NDUFAF7: variants seen among roughly 807,000 people sequenced by gnomAD.
NDUFAF7 encodes the protein protein arginine methyltransferase NDUFAF7, mitochondrial.
Under a neutral mutation model 47.2 loss-of-function variants are expected in NDUFAF7, and 48 were observed. The ratio of observed to expected loss-of-function variants is 1.02; its 90% CI spans 0.81 to 1.29. NDUFAF7 has a LOEUF of 1.29. Among genes scored for constraint, NDUFAF7 ranks in the 50% most tolerant of loss-of-function variants. The pLI is 0.00. For synonymous variants in NDUFAF7, 217 were observed against 190.0 expected (o/e 1.14, Z -1.17); for missense variants, 635 against 537.6 (o/e 1.18, Z -1.79).
At chr2:37,236,863 G>T (rs1052804044) in intron 3 of NDUFAF7, among the ~76,000 whole-genome samples, 3 of 151,514 alleles carry the variant, frequency 2.0e-5, no homozygotes. Flanking sequence ...GAGAGTGCCC[G>T]GGAAGGAAGA....
At chr2:37,258,685 A>G in the NDUFAF7 span, among the ~76,000 whole-genome samples, 1 of 152,242 alleles carries the variant, frequency 6.6e-6, no homozygotes, top group African/African-American at 2.4e-5. Flanking sequence ...CGACCTCAAA[A>G]TGATAGGGAA....
Position 37,248,146 on chromosome 2 carries a change from TAAATC to T in NDUFAF7, c.1127_1131del (p.Ser376Ter). ...TTTTTTCTTTTCAGGTTCTTTTAGA[TAAATC>T]AAATGAGCCATCAGTGAGGCAGCAG... On this transcript the variant is annotated frameshift_variant, in exon 10 of 10. Transcript: ENST00000002125. LOFTEE classifies it high-confidence loss of function. The T allele has an allele frequency of 6.2e-7, 1 of 1,613,512 alleles. No individual in the cohort carries two copies. The highest frequency in any genetic ancestry group is 8.5e-7 in the Non-Finnish European group (1 of 1,179,538).
intron 2 of NDUFAF7, 146 bp from the exon 3 acceptor site, chr2:37,235,950 A>T: frequency 1.4e-6 from 1 of 695,508 alleles, no homozygotes; most frequent in Non-Finnish European, 2.5e-6. Flanking sequence ...GAGCCACCAC[A>T]CCTGGCTCCC....
downstream of NDUFAF7, among the ~76,000 whole-genome samples, chr2:37,255,857 T>C (rs1667888906): frequency 6.6e-6 from 1 of 151,842 alleles, no homozygotes; most frequent in Non-Finnish European, 1.5e-5. Flanking sequence ...AATTTAAAAA[T>C]TAGCCAGGTG....
At chr2:37,250,034 T>C (rs1252359374), downstream of NDUFAF7, among the ~76,000 whole-genome samples, 12 of 151,976 alleles carry the variant, frequency 7.9e-5, no homozygotes. Flanking sequence ...AGATTTTTTT[T>C]TGCAATTTTT....
chr2:37,262,653 G>C, the NDUFAF7 span, among the ~76,000 whole-genome samples: 1 of 150,758 alleles, frequency 6.6e-6, no homozygotes, highest in Admixed American at 6.6e-5. Context: ...TGTTTTGCTA[G>C]GCCATAGTTG....
intron 6 of NDUFAF7, among the ~76,000 whole-genome samples, chr2:37,243,215 G>T (rs978535936): frequency 5.3e-5 from 8 of 152,034 alleles, no homozygotes; most frequent in Non-Finnish European, 8.8e-5. Flanking sequence ...CTTTGGGAGG[G>T]CGAGGTGGGT....
At chr2:37,248,113 C>A in intron 9 of NDUFAF7, 22 bp from the exon 10 acceptor site, 1 of 1,577,178 alleles carries the variant, frequency 6.3e-7, no homozygotes, top group South Asian at 1.1e-5. Context: ...GTTATTTTTG[C>A]TAAGAATTTT....
At chr2:37,234,117 T>G (rs1417780261) in intron 2 of NDUFAF7, among the ~76,000 whole-genome samples, 3 of 152,048 alleles carry the variant, frequency 2.0e-5, no homozygotes, top group Admixed American at 6.5e-5. Flanking sequence ...TGAGATAGAG[T>G]CTCATTCTGT....
intron 1 of NDUFAF7, 22 bp from the exon 2 acceptor site, chr2:37,232,084 G>A (rs2148373772): frequency 6.2e-7 from 1 of 1,614,216 alleles, no homozygotes; most frequent in Non-Finnish European, 8.5e-7. Context: ...CATGGGGTCT[G>A]TTTAATTTGT....
chr2:37,256,627 AATTTT>A (rs1558522132), downstream of NDUFAF7: 57 of 1,247,182 alleles, frequency 4.6e-5, no homozygotes, highest in South Asian at 1.4e-4. Context: ...ACATAGCCAA[AATTTT>A]TTTTTTTTTT....
At chr2:37,255,418 T>C (rs539811505), downstream of NDUFAF7, among the ~76,000 whole-genome samples, 23 of 152,300 alleles carry the variant, frequency 1.5e-4, no homozygotes, top group South Asian at 4.6e-3. Flanking sequence ...ATGTTTTAAG[T>C]AGTGTACTTG....
At chr2:37,247,225 T>C (rs772151002) in intron 8 of NDUFAF7, 2 of 571,790 alleles carry the variant, frequency 3.5e-6, no homozygotes, top group Non-Finnish European at 6.3e-6. Flanking sequence ...TGATTTCATT[T>C]TTTTTTATGG....
Position 37,237,740 on chromosome 2 carries a change from T to C in NDUFAF7, c.298-17T>C. The stretch of plus-strand genomic sequence containing the variant: ...TTATAATACTTTAATATGTGTTTTT[T>C]TTTTCCCTTTTCACAGCTACTAGGT... On this transcript the variant is annotated splice_polypyrimidine_tract_variant and intron_variant, in intron 3 of 9. Transcript: ENST00000002125. 3 of 1,501,802 alleles carry C rather than the reference T, an allele frequency of 2.0e-6. No individual in the cohort carries two copies. Among genetic ancestry groups the C allele is most frequent in the Non-Finnish European group, 2.8e-6 (3 of 1,078,280 alleles). The allele number at this position is 1,501,802 out of a possible 1,614,324, so 93.0% of individuals were successfully genotyped here. A position where few individuals can be genotyped will look rare whatever the true frequency, so the allele number is the denominator to read the frequency against.
the NDUFAF7 span, among the ~76,000 whole-genome samples, chr2:37,270,638 C>T: frequency 1.3e-5 from 2 of 152,166 alleles, no homozygotes; most frequent in East Asian, 1.9e-4. Flanking sequence ...CAGACCCACA[C>T]TTATAAAGAC....
chr2:37,232,691 T>C lies in NDUFAF7; in HGVS notation c.216+425T>C, dbSNP rs139835248. Reference sequence around the variant, plus strand: ...ACAGGCAGCTGGAAATAGGAATTACTGCCTGGAAAGTCGTCTGTGTTGGAA... The same window carrying C: ...ACAGGCAGCTGGAAATAGGAATTACCGCCTGGAAAGTCGTCTGTGTTGGAA... On this transcript the variant is annotated intron_variant, in intron 2 of 9. Coordinates refer to ENST00000002125, the MANE Select transcript of NDUFAF7 (RefSeq NM_144736.5). Among the ~76,000 whole-genome samples the C allele has an allele frequency of 5.8e-3, 881 of 152,272 alleles. 7 individuals carry two copies. Among genetic ancestry groups the C allele is most frequent in the African/African-American group, 0.021 (853 of 41,552 alleles).
At position 37,237,754 on chromosome 2, in the gene NDUFAF7, C is replaced by A; in HGVS notation, c.298-3C>A. ...TATGTGTTTTTTTTTTCCCTTTTCA[C>A]AGCTACTAGGTATATGGTTCATTAG... is the stretch of plus-strand genomic sequence containing the variant. On this transcript the variant is annotated splice_region_variant and splice_polypyrimidine_tract_variant and intron_variant, in intron 3 of 9. Coordinates refer to ENST00000002125, the MANE Select transcript of NDUFAF7 (RefSeq NM_144736.5). The A allele has an allele frequency of 6.4e-7, 1 of 1,570,864 alleles. No individual in the cohort carries two copies.
intron 3 of NDUFAF7, among the ~76,000 whole-genome samples, chr2:37,236,853 G>T (rs1428849217): frequency 6.6e-6 from 1 of 151,618 alleles, no homozygotes; most frequent in East Asian, 1.9e-4. Flanking sequence ...GAGTGCCCAG[G>T]AGAGTGCCCG....
Position 37,243,957 on chromosome 2 carries a change from C to T in NDUFAF7, c.776C>T (p.Ala259Val), listed in dbSNP as rs1381886689. The T allele has an allele frequency of 6.2e-7, 1 of 1,611,048 alleles. No individual in the cohort carries two copies. The highest frequency in any genetic ancestry group is 8.5e-7 in the Non-Finnish European group (1 of 1,177,366). Residue 259 changes from alanine to valine, a missense_variant, in exon 7 of 10, where the codon GCA (alanine) becomes GTA (valine). By Grantham distance (64) the Ala-to-Val change is moderately conservative. Coordinates refer to ENST00000002125, the MANE Select transcript of NDUFAF7 (RefSeq NM_144736.5). ...RFVLAPSATP[A>V]EAFIQHDETR... ...GTTTTGGCACCTTCTGCCACCCCAG[C>T]AGAAGCCTTCATACAAGTAAGAATA...
Sources: allele counts gnomAD v4.1 joint callset (sites outside exome capture counted in the v4.1 genomes callset), GRCh38; gene constraint gnomAD v4.1.1; transcripts MANE v1.5; gene names NCBI Gene and HGNC (gene_info 2026-07-23, HGNC 2026-07-21).